Variants in RORB observed in about 807,000 individuals in gnomAD.
RORB encodes RAR related orphan receptor B.
RORB carries 6 observed loss-of-function variants against 59.1 expected under a neutral mutation model. The ratio of observed to expected loss-of-function variants is 0.10; its 90% confidence interval spans 0.06 to 0.20. The LOEUF (loss-of-function observed/expected upper bound fraction) is 0.20. Among genes scored for constraint, RORB ranks in the 10% least tolerant of loss-of-function variants. RORB has a pLI of 1.00. For synonymous variants in RORB, 215 were observed against 204.5 expected (o/e 1.05, Z -0.44); for missense variants, 320 against 560.5 (o/e 0.57, Z 4.33).
At chr9:74,538,564 A>T (rs1293346032) in intron 1 of RORB, among the ~76,000 whole-genome samples, 3 of 152,056 alleles carry the variant, frequency 2.0e-5, no homozygotes, top group Non-Finnish European at 2.9e-5. Flanking sequence ...AATACTGTAC[A>T]CCTCAATTGT....
chr9:74,658,676 T>G (rs1240174414), intron 4 of RORB, among the ~76,000 whole-genome samples: 2 of 152,186 alleles, frequency 1.3e-5, no homozygotes, highest in African/African-American at 4.8e-5. Flanking sequence ...TAACATTATA[T>G]ACCTACTGGA....
chr9:74,547,520 C>A (rs1222637284), intron 1 of RORB, among the ~76,000 whole-genome samples: 2 of 152,118 alleles, frequency 1.3e-5, no homozygotes, highest in African/African-American at 4.8e-5. Context: ...AAGAGGCTTG[C>A]AATTTTAAAT....
Position 74,640,494 on chromosome 9 carries a change from A to C in RORB, c.236-1920A>C, listed in dbSNP as rs528201534. 3.9e-5 allele frequency among the ~76,000 whole-genome samples: 6 copies of C among 152,190 alleles called. No homozygotes were observed. The East Asian group carries it at 1.2e-3, about 29-fold the overall frequency. On this transcript the variant is annotated intron_variant, in intron 3 of 9. Transcript: ENST00000376896. ...GAGACAGGGTTTCACCACGTTAGCC[A>C]GGATGGTCTCGATCTCCTGACCTCG...
intron 1 of RORB, among the ~76,000 whole-genome samples, chr9:74,585,784 A>ATATTTATTTATTTATT (rs60816499): frequency 0.13 from 19,384 of 144,940 alleles, 1,610 homozygotes; most frequent in East Asian, 0.36. Flanking sequence ...TTCACAGGGG[A>ATATTTATTTATTTATT]TATTTATTTA....
At chr9:74,667,328 A>G (rs1452770526) in intron 7 of RORB, among the ~76,000 whole-genome samples, 5 of 152,230 alleles carry the variant, frequency 3.3e-5, no homozygotes, top group Non-Finnish European at 5.9e-5. Flanking sequence ...GTCTCAGTTT[A>G]AAAGTCCAGA....
Position 74,549,609 on chromosome 9 carries a change from AAAGG to A in RORB, c.7+51642_7+51645del, listed in dbSNP as rs1296424371. On this transcript the variant is annotated intron_variant, in intron 1 of 9. Coordinates refer to ENST00000376896, the MANE Select transcript of RORB (RefSeq NM_006914.4). ...GGAAGGAAGGAAGGAAGGAAGGAAG[AAAGG>A]AAGGAAGGAAGGAAGAAAGGAAAGA... 7.0e-3 allele frequency among the ~76,000 whole-genome samples: 234 copies of A among 33,302 alleles called. 5 individuals are homozygous for A. Among genetic ancestry groups the A allele is most frequent in the African/African-American group, 0.028 (213 of 7,526 alleles). 21.8% of individuals were successfully genotyped at this position (33,302 alleles called of 152,430 possible). A position where few individuals can be genotyped will look rare whatever the true frequency, so the allele number is the denominator to read the frequency against.
intron 1 of RORB, among the ~76,000 whole-genome samples, chr9:74,620,185 G>A (rs1246852628): frequency 1.3e-5 from 2 of 152,052 alleles, no homozygotes; most frequent in African/African-American, 4.8e-5. Flanking sequence ...ACTTTTTTTG[G>A]TTGGGAGGCT....
At chr9:74,629,479 C>A (rs1197621701) in intron 1 of RORB, among the ~76,000 whole-genome samples, 2 of 151,880 alleles carry the variant, frequency 1.3e-5, no homozygotes, top group Non-Finnish European at 2.9e-5. Flanking sequence ...TCATCCCAGG[C>A]CTCCAATCTT....
At chr9:74,548,979 T>C (rs2118154848) in intron 1 of RORB, among the ~76,000 whole-genome samples, 1 of 152,364 alleles carries the variant, frequency 6.6e-6, no homozygotes, top group Non-Finnish European at 1.5e-5. Flanking sequence ...TTAAAAATAA[T>C]GCTATTTCAA....
intron 1 of RORB, among the ~76,000 whole-genome samples, chr9:74,578,350 T>C (rs1563942611): frequency 6.6e-6 from 1 of 152,156 alleles, no homozygotes; most frequent in Non-Finnish European, 1.5e-5. Flanking sequence ...ATTGAGAGCA[T>C]TATGAAGATC....
chr9:74,642,856 T>G, intron 4 of RORB, 41 bp downstream of exon 4: 1 of 1,488,216 alleles, frequency 6.7e-7, no homozygotes, highest in Non-Finnish European at 9.1e-7. Flanking sequence ...TTTGAGATTT[T>G]GCTTTGAATT....
intron 1 of RORB, among the ~76,000 whole-genome samples, chr9:74,618,158 C>T (rs535066368): frequency 8.6e-4 from 131 of 152,220 alleles, no homozygotes; most frequent in African/African-American, 3.1e-3. Flanking sequence ...CACACACGCG[C>T]ATGCTATAAA....
intron 1 of RORB, among the ~76,000 whole-genome samples, chr9:74,519,452 C>T (rs1826053509): frequency 1.3e-5 from 2 of 151,976 alleles, no homozygotes; most frequent in South Asian, 4.1e-4. Context: ...GTGCAGAACC[C>T]TTGAGACCTA....
chr9:74,637,107 A>G (rs955722881), intron 3 of RORB, among the ~76,000 whole-genome samples: 2 of 152,216 alleles, frequency 1.3e-5, no homozygotes, highest in African/African-American at 4.8e-5. Context: ...TTCAGCAAGT[A>G]TTCTTAAAGT....
At chr9:74,509,712 A>T (rs1465331195) in intron 1 of RORB, among the ~76,000 whole-genome samples, 2 of 152,058 alleles carry the variant, frequency 1.3e-5, no homozygotes, top group Non-Finnish European at 2.9e-5. Context: ...TGATTGACTG[A>T]GACTGGAACT....
At chr9:74,529,938 G>T (rs962575460) in intron 1 of RORB, among the ~76,000 whole-genome samples, 1 of 151,862 alleles carries the variant, frequency 6.6e-6, no homozygotes, top group Non-Finnish European at 1.5e-5. Context: ...TAATAAATTT[G>T]CATATTAATT....
intron 1 of RORB, among the ~76,000 whole-genome samples, chr9:74,620,162 C>T (rs935000977): frequency 2.6e-4 from 40 of 152,234 alleles, no homozygotes; most frequent in African/African-American, 9.6e-4. Flanking sequence ...GCTGTGAATC[C>T]GTCTGGTCCT....
At chr9:74,629,556 C>T (rs927826772) in intron 1 of RORB, among the ~76,000 whole-genome samples, 3 of 152,016 alleles carry the variant, frequency 2.0e-5, no homozygotes, top group East Asian at 1.9e-4. Flanking sequence ...AAATCCTGCA[C>T]GATCTTCAGA....
chr9:74,553,929 A>T (rs949281233), intron 1 of RORB, among the ~76,000 whole-genome samples: 1 of 152,156 alleles, frequency 6.6e-6, no homozygotes, highest in Non-Finnish European at 1.5e-5. Flanking sequence ...TCTCTTGGAA[A>T]TCATCTAATT....
Sources: allele counts gnomAD v4.1 joint callset (sites outside exome capture counted in the v4.1 genomes callset), GRCh38; gene constraint gnomAD v4.1.1; transcripts MANE v1.5; gene names NCBI Gene and HGNC (gene_info 2026-07-23, HGNC 2026-07-21).